Variants in LRRC37A2 observed in about 807,000 individuals in gnomAD.
LRRC37A2 encodes the protein leucine rich repeat containing 37 member A2.
LRRC37A2 carries 9 observed loss-of-function variants against 68.8 expected under a neutral mutation model. That is an observed-to-expected ratio of 0.13 (90% CI 0.08 to 0.23). The LOEUF is 0.23. Among genes scored for constraint, LRRC37A2 ranks in the 10% least tolerant of loss-of-function variants. The pLI is 1.00. For missense variants in LRRC37A2, 168 were observed against 950.4 expected (o/e 0.18, Z 10.82); for synonymous variants, 63 against 367.6 (o/e 0.17, Z 9.48).
chr17:46,534,179 T>G (rs1319349107), intron 6 of LRRC37A2, among the ~76,000 whole-genome samples: 2 of 148,390 alleles, frequency 1.3e-5, no homozygotes, highest in Non-Finnish European at 3.0e-5. Context: ...ATGCCCAGTT[T>G]TTTTTGTTTT....
the LRRC37A2 span, among the ~76,000 whole-genome samples, chr17:47,011,289 C>G: frequency 2.7e-3 from 407 of 152,248 alleles, 1 homozygote; most frequent in Non-Finnish European, 4.0e-3. Context: ...GTGGCTTACA[C>G]CTGTAATCCC....
chr17:46,810,491 G>A, the LRRC37A2 span, among the ~76,000 whole-genome samples: 309 of 152,294 alleles, frequency 2.0e-3, 2 homozygotes, highest in Middle Eastern at 0.01. Context: ...CACGGGGCAT[G>A]CCCACAAAGA....
chr17:46,853,029 G>A, the LRRC37A2 span, among the ~76,000 whole-genome samples: 1 of 152,146 alleles, frequency 6.6e-6, no homozygotes, highest in Non-Finnish European at 1.5e-5. Context: ...TTTGTACAAA[G>A]AAGGGGTTGA....
chr17:46,972,272 C>A, the LRRC37A2 span, among the ~76,000 whole-genome samples: 1 of 152,216 alleles, frequency 6.6e-6, no homozygotes, highest in South Asian at 2.1e-4. Flanking sequence ...TCCATCCCAT[C>A]TTCTCCCTGC....
chr17:46,998,418 C>A, the LRRC37A2 span, among the ~76,000 whole-genome samples: 1 of 152,208 alleles, frequency 6.6e-6, no homozygotes, highest in Non-Finnish European at 1.5e-5. Context: ...CCTGCTTTTG[C>A]TTTGTCTTGT....
the LRRC37A2 span, among the ~76,000 whole-genome samples, chr17:46,854,068 A>G: frequency 0.2 from 29,943 of 152,124 alleles, 3,620 homozygotes; most frequent in East Asian, 0.51. Context: ...AAGAGCTGAC[A>G]AAAGACACAA....
chr17:46,927,950 TC>T, the LRRC37A2 span, among the ~76,000 whole-genome samples: 2 of 152,278 alleles, frequency 1.3e-5, no homozygotes, highest in South Asian at 4.2e-4. Context: ...CGTCAGGACT[TC>T]CTTAGAGTCC....
At chr17:47,037,395 G>A in the LRRC37A2 span, among the ~76,000 whole-genome samples, 7 of 152,134 alleles carry the variant, frequency 4.6e-5, no homozygotes, top group East Asian at 3.9e-4. Flanking sequence ...ATGAGTTACC[G>A]TGCCCGGCCA....
the LRRC37A2 span, among the ~76,000 whole-genome samples, chr17:46,758,685 G>T: frequency 3.3e-3 from 502 of 152,216 alleles, 5 homozygotes; most frequent in African/African-American, 0.012. Context: ...TTACTTTAAG[G>T]CTGTCTTTTC....
chr17:46,980,666 C>CA, the LRRC37A2 span, among the ~76,000 whole-genome samples: 56,806 of 83,944 alleles, frequency 0.68, 19,309 homozygotes, highest in Non-Finnish European at 0.73. Flanking sequence ...ACTAAAAATA[C>CA]AAAAAAAAAA....
At chr17:47,030,242 C>T in the LRRC37A2 span, among the ~76,000 whole-genome samples, 1 of 151,282 alleles carries the variant, frequency 6.6e-6, no homozygotes, top group African/African-American at 2.4e-5. Flanking sequence ...AGTGCCATGT[C>T]CATTTGTGCC....
At chr17:46,532,335 G>A (rs1479708284) in intron 6 of LRRC37A2, among the ~76,000 whole-genome samples, 1 of 150,370 alleles carries the variant, frequency 6.7e-6, no homozygotes, top group Non-Finnish European at 1.5e-5. Flanking sequence ...ATTTTGTCAA[G>A]CATTTTTCCA....
chr17:46,718,231 C>T, the LRRC37A2 span, among the ~76,000 whole-genome samples: 3 of 152,202 alleles, frequency 2.0e-5, no homozygotes, highest in Non-Finnish European at 4.4e-5. Flanking sequence ...AGCCCCAACA[C>T]GTGCACCCCT....
chr17:46,933,215 G>A, the LRRC37A2 span: 2 of 152,360 alleles, frequency 1.3e-5, no homozygotes, highest in African/African-American at 4.8e-5. Flanking sequence ...CCAGCCTGGC[G>A]TGATGCTGTG....
the LRRC37A2 span, among the ~76,000 whole-genome samples, chr17:46,655,818 A>G: frequency 1.8e-5 from 1 of 55,704 alleles, no homozygotes; most frequent in Non-Finnish European, 3.0e-5. Context: ...TCCAGGTGGG[A>G]TACTGTGTCA....
At chr17:46,818,217 G>T in the LRRC37A2 span, among the ~76,000 whole-genome samples, 1 of 152,076 alleles carries the variant, frequency 6.6e-6, no homozygotes, top group East Asian at 1.9e-4. Flanking sequence ...GGTCTTCGGG[G>T]GCCTCTAGAT....
At chr17:46,896,270 G>A in the LRRC37A2 span, among the ~76,000 whole-genome samples, 1 of 138,642 alleles carries the variant, frequency 7.2e-6, no homozygotes, top group East Asian at 2.0e-4. Context: ...CTGCAGCCTG[G>A]GCAACAGAGT....
chr17:46,487,141 G>C, the LRRC37A2 span: 7 of 733,938 alleles, frequency 9.5e-6, 1 homozygote, highest in Admixed American at 1.9e-4. Context: ...TATCAAACCA[G>C]TGAGTATGCC....
the LRRC37A2 span, chr17:46,751,565 G>C: frequency 1.2e-6 from 2 of 1,613,876 alleles, no homozygotes; most frequent in Non-Finnish European, 8.5e-7. Context: ...AAGGGAAGAA[G>C]GTCTGGATAG....
Sources: allele counts gnomAD v4.1 joint callset (sites outside exome capture counted in the v4.1 genomes callset), GRCh38; gene constraint gnomAD v4.1.1; transcripts MANE v1.5; gene names NCBI Gene and HGNC (gene_info 2026-07-23, HGNC 2026-07-21).